ZNF623: variants seen among roughly 807,000 people sequenced by gnomAD.
ZNF623 encodes the protein zinc finger protein 623.
A neutral mutation model predicts 24.0 loss-of-function variants in ZNF623; 16 were observed. The observed-to-expected ratio is 0.67, with a 90% confidence interval of 0.45 to 1.01. The LOEUF is 1.01. Among genes scored for constraint, ZNF623 ranks in the 50% least tolerant of loss-of-function variants. ZNF623 has a pLI of 0.00. For synonymous variants in ZNF623, 224 were observed against 219.8 expected (o/e 1.02, Z -0.17); for missense variants, 566 against 606.5 (o/e 0.93, Z 0.70).
At position 143,650,185 on chromosome 8, in the gene ZNF623, AT is replaced by A; in HGVS notation, c.195del (p.Leu66Ter). The A allele has an allele frequency of 6.2e-7, 1 of 1,614,224 alleles. No individual in the cohort carries two copies. The highest frequency in any genetic ancestry group is 8.5e-7 in the Non-Finnish European group (1 of 1,180,034). ...GTGCACCAAGTCAGGAAGAAACCAT[AT>A]TCTGAACTCAGACCTTCTTCTGCTT... ...QVCTKSGRNH[I>X]LNSDLLLLQR... On this transcript the variant is annotated frameshift_variant, in exon 2 of 2. Transcript: ENST00000526926. LOFTEE classifies it low-confidence loss of function (END_TRUNC). The surrounding 1 kb of genome is among the most constrained non-coding windows in gnomAD (Gnocchi z 5.2).
rs1156729366 is a variant in ZNF623, at chr8:143,641,442, GTTTTTTTTTT to G, written c.-96+5313_-96+5322del. Among the ~76,000 whole-genome samples the G allele has an allele frequency of 2.0e-4, 2 of 10,060 alleles. 1 individual carries two copies. The highest frequency in any genetic ancestry group is 0.016 in the South Asian group (2 of 124). 6.6% of individuals were successfully genotyped at this position (10,060 alleles called of 152,430 possible). On this transcript the variant is annotated intron_variant, in intron 1 of 1. Coordinates refer to ENST00000526926, the MANE Select transcript of ZNF623 (RefSeq NM_001261843.2). ...ACCAGGAGCATTGTCAGTGAGTAGTGTTTTTTTTTTTTTTTTTTTTTTTTTCTTTTTTTTT... is the reference window on the plus strand; with the variant it reads ...ACCAGGAGCATTGTCAGTGAGTAGTGTTTTTTTTTTTTTTTCTTTTTTTTT...
intron 1 of ZNF623, among the ~76,000 whole-genome samples, chr8:143,642,124 T>C (rs1355960961): frequency 6.6e-6 from 1 of 152,230 alleles, no homozygotes; most frequent in Admixed American, 6.5e-5. Context: ...AGTAGCCACC[T>C]TAGTCAACCA....
At chr8:143,640,941 T>TAAAAAAA (rs57279986) in intron 1 of ZNF623, among the ~76,000 whole-genome samples, 1 of 65,550 alleles carries the variant, frequency 1.5e-5, no homozygotes, top group African/African-American at 5.6e-5. Flanking sequence ...ACTCTGTCTT[T>TAAAAAAA]AAAAAAAAAA....
intron 1 of ZNF623, among the ~76,000 whole-genome samples, chr8:143,644,983 C>T (rs1815138666): frequency 6.6e-6 from 1 of 151,926 alleles, no homozygotes; most frequent in Non-Finnish European, 1.5e-5. Context: ...ACAAAATTAG[C>T]TGGGTGTGAT....
chr8:143,644,902 G>A (rs78919663), intron 1 of ZNF623, among the ~76,000 whole-genome samples: 3,995 of 151,618 alleles, frequency 0.026, 162 homozygotes, highest in African/African-American at 0.09. Context: ...GCCAAGGTGG[G>A]CTGATCACCT....
Position 143,651,113 on chromosome 8 carries a change from A to G in ZNF623, c.1121A>G (p.Gln374Arg). ...AAGGAATGTGGGAAAGCGTTTCTCC[A>G]GAAAGCCCATCTCACTGAGCACCAG... is the stretch of plus-strand genomic sequence containing the variant. ...ECKECGKAFL[Q>R]KAHLTEHQKI... is the part of the protein sequence containing the mutation. The change falls in exon 2 of 2, where the codon CAG becomes CGG. Residue 374 changes from glutamine (Q) to arginine (R), a missense_variant. Physicochemically the swap from Gln to Arg is conservative, Grantham distance 43 (BLOSUM62 1). This residue lies in a region of ZNF623 where 117 missense variants were observed against 174.2 expected (regional missense o/e 0.67). Transcript: ENST00000526926. 6.2e-7 allele frequency: 1 copy of G among 1,614,202 alleles called. No homozygotes were observed.
chr8:143,637,065 C>G (rs1027756411), intron 1 of ZNF623, among the ~76,000 whole-genome samples: 4 of 152,188 alleles, frequency 2.6e-5, no homozygotes, highest in African/African-American at 7.2e-5. Context: ...CCCTGAGCAG[C>G]ATGCCGGTAG....
At chr8:143,643,591 G>C (rs1013724894) in intron 1 of ZNF623, among the ~76,000 whole-genome samples, 1 of 152,202 alleles carries the variant, frequency 6.6e-6, no homozygotes, top group Non-Finnish European at 1.5e-5. Flanking sequence ...GGTCCAGTCA[G>C]CTTTTCCAAA....
In ZNF623 at chr8:143,647,469, C is replaced by G. The variant is rs7820149; in HGVS notation, c.-95-2429C>G. On this transcript the variant is annotated intron_variant, in intron 1 of 1. Transcript: ENST00000526926. ...GAGCCACCATGCCCAGCCAGCCTTGCTGTTTTATAGTGTGACTAGGAGGGA... is the reference window on the plus strand; with the variant it reads ...GAGCCACCATGCCCAGCCAGCCTTGGTGTTTTATAGTGTGACTAGGAGGGA... Among the ~76,000 whole-genome samples, 57 of 152,088 alleles carry G rather than the reference C, an allele frequency of 3.7e-4. 1 individual carries two copies. Among genetic ancestry groups the G allele is most frequent in the African/African-American group, 1.3e-3 (54 of 41,428 alleles).
chr8:143,647,862 C>T (rs973154935), intron 1 of ZNF623, among the ~76,000 whole-genome samples: 18 of 152,104 alleles, frequency 1.2e-4, no homozygotes, highest in African/African-American at 3.1e-4. Context: ...AGATGGCAGC[C>T]CTGTAGGCTG....
Position 143,650,159 on chromosome 8 carries a change from T to A in ZNF623, c.167T>A (p.Val56Glu). The change falls in exon 2 of 2, where the codon GTG becomes GAG. Residue 56 changes from valine (V) to glutamate (E), a missense_variant. Coordinates refer to ENST00000526926, the MANE Select transcript of ZNF623 (RefSeq NM_001261843.2). This position sits in a 1 kb window ranked among gnomAD's most constrained non-coding sequence, Gnocchi z 5.2. ...ATCCAGACAGGAGAGACAGCTCAAG[T>A]GTGCACCAAGTCAGGAAGAAACCAT... ...WKIQTGETAQ[V>E]CTKSGRNHIL... 1 of 1,614,162 alleles carries A rather than the reference T, an allele frequency of 6.2e-7. No individual in the cohort carries two copies. Among genetic ancestry groups the A allele is most frequent in the Non-Finnish European group, 8.5e-7 (1 of 1,180,032 alleles).
intron 1 of ZNF623, among the ~76,000 whole-genome samples, chr8:143,643,088 T>C (rs962275796): frequency 3.3e-5 from 5 of 152,154 alleles, no homozygotes; most frequent in Non-Finnish European, 7.3e-5. Flanking sequence ...AGGCTGAGAT[T>C]AGATGCGTGA....
rs899617722 is a variant in ZNF623, at chr8:143,652,754, G to A, written c.*1271G>A. ...GAAAGGCACAGTCTCAATGCGCTACGTAACTCTTCTGTTGTAGCAGTTCTG... is the reference window on the plus strand; with the variant it reads ...GAAAGGCACAGTCTCAATGCGCTACATAACTCTTCTGTTGTAGCAGTTCTG... On this transcript the variant is annotated 3_prime_UTR_variant, in exon 2 of 2. Coordinates refer to ENST00000526926, the MANE Select transcript of ZNF623 (RefSeq NM_001261843.2). The A allele has an allele frequency of 6.0e-5, 10 of 167,030 alleles. No homozygotes were observed. Among genetic ancestry groups the A allele is most frequent in the African/African-American group, 1.4e-4 (6 of 41,410 alleles). 10.3% of individuals were successfully genotyped at this position (167,030 alleles called of 1,614,324 possible). A position where few individuals can be genotyped will look rare whatever the true frequency, so the allele number is the denominator to read the frequency against.
intron 1 of ZNF623, among the ~76,000 whole-genome samples, chr8:143,642,522 G>A (rs1815078370): frequency 6.6e-6 from 1 of 152,220 alleles, no homozygotes; most frequent in African/African-American, 2.4e-5. Context: ...GCCGTTTGAT[G>A]CAAGAGGCCC....
intron 1 of ZNF623, among the ~76,000 whole-genome samples, chr8:143,640,306 G>T (rs1467997664): frequency 6.6e-6 from 1 of 152,216 alleles, no homozygotes; most frequent in Non-Finnish European, 1.5e-5. Context: ...CTGATGGAGG[G>T]TCTTGCCTTT....
In ZNF623 at chr8:143,651,708, T is replaced by A. The variant is rs749721232; in HGVS notation, c.*225T>A. ...CAGGGCTTGACACCTGACTCTGAGC[T>A]GGAACAGTAGGGGCAGGGAGAAGAC... On this transcript the variant is annotated 3_prime_UTR_variant, in exon 2 of 2. Transcript: ENST00000526926. 38 of 503,534 alleles carry A rather than the reference T, an allele frequency of 7.5e-5. No homozygotes were observed. The highest frequency in any genetic ancestry group is 5.2e-4 in the Middle Eastern group (1 of 1,914). 31.2% of individuals were successfully genotyped at this position (503,534 alleles called of 1,614,324 possible).
At position 143,650,033 on chromosome 8, in the gene ZNF623, C is replaced by T; in HGVS notation, c.41C>T (p.Pro14Leu). ...PSPESEEVHE[P>L]RLGELLGNPE... ...CCCGAGTCTGAGGAAGTCCACGAGC[C>T]CAGATTAGGGGAGCTCTTGGGAAAT... is the stretch of plus-strand genomic sequence containing the variant. The change falls in exon 2 of 2, where the codon CCC (proline) becomes CTC (leucine). Residue 14 changes from proline to leucine, a missense_variant. Pro to Leu is a moderately conservative substitution (Grantham distance 98). Transcript: ENST00000526926. This position sits in a 1 kb window ranked among gnomAD's most constrained non-coding sequence, Gnocchi z 5.2. 6.2e-7 allele frequency: 1 copy of T among 1,614,142 alleles called. No individual in the cohort carries two copies. The highest frequency in any genetic ancestry group is 1.1e-5 in the South Asian group (1 of 91,084).
At chr8:143,645,209 C>T (rs1018489167) in intron 1 of ZNF623, among the ~76,000 whole-genome samples, 3 of 151,830 alleles carry the variant, frequency 2.0e-5, no homozygotes, top group African/African-American at 4.8e-5. Flanking sequence ...TTTGGGAGGC[C>T]AAGGCGGGCG....
chr8:143,651,642 G>A lies in ZNF623; in HGVS notation c.*159G>A. The stretch of plus-strand genomic sequence containing the variant: ...CCACTGTGCAGCCCTACTCGGCTCA[G>A]CCCTTCTCCTCAGCTGTGAGCACTG... On this transcript the variant is annotated 3_prime_UTR_variant, in exon 2 of 2. Transcript: ENST00000526926. 1.3e-6 allele frequency: 1 copy of A among 770,224 alleles called. No homozygotes were observed. Among genetic ancestry groups the A allele is most frequent in the Non-Finnish European group, 2.1e-6 (1 of 482,484 alleles). The allele number at this position is 770,224 out of a possible 1,614,324, so 47.7% of individuals were successfully genotyped here.
Sources: gnomAD v4.1 joint callset for allele counts (sites outside exome capture counted in the v4.1 genomes callset) on GRCh38, gnomAD v4.1.1 for gene constraint, gnomAD v4.1.1 regional missense constraint, Gnocchi (gnomAD v3.1) non-coding constraint, MANE v1.5 for transcripts, NCBI Gene and HGNC (gene_info 2026-07-23, HGNC 2026-07-21) for gene names.